The following RPH3A variants were observed in gnomAD, a reference collection of about 807,000 sequenced individuals.
The protein encoded by RPH3A is rabphilin 3A, also known as rabphilin-3A.
In RPH3A, 48 loss-of-function variants were observed where a neutral mutation model predicts 102.2. The observed-to-expected ratio is 0.47, with a 90% confidence interval of 0.37 to 0.60. RPH3A has a LOEUF of 0.60. Ranked by LOEUF, RPH3A falls within the 20% of genes least tolerant of loss-of-function variation. The pLI, the probability that RPH3A is intolerant of heterozygous loss-of-function variation, is 0.00. For synonymous variants in RPH3A, 310 were observed against 324.3 expected (o/e 0.96, Z 0.47); for missense variants, 781 against 910.1 (o/e 0.86, Z 1.83).
chr12:112,894,857 G>A (rs1593140378), intron 20 of RPH3A, among the ~76,000 whole-genome samples, 198 bp downstream of exon 20: 1 of 152,258 alleles, frequency 6.6e-6, no homozygotes, highest in South Asian at 2.1e-4. Flanking sequence ...AATGAAAAAG[G>A]AAGTGACAAT....
At chr12:112,644,016 C>T (rs1231928960) in intron 1 of RPH3A, among the ~76,000 whole-genome samples, 1 of 152,140 alleles carries the variant, frequency 6.6e-6, no homozygotes, top group Non-Finnish European at 1.5e-5. Context: ...GAACTGGAGG[C>T]CATTATCTTA....
chr12:112,656,608 T>G (rs2040013475), intron 1 of RPH3A, among the ~76,000 whole-genome samples: 1 of 152,210 alleles, frequency 6.6e-6, no homozygotes, highest in Admixed American at 6.5e-5. Flanking sequence ...GTGTCTATTA[T>G]TCCCCTCTAT....
At chr12:112,748,526 G>A (rs537432041) in intron 1 of RPH3A, among the ~76,000 whole-genome samples, 20 of 152,020 alleles carry the variant, frequency 1.3e-4, no homozygotes, top group Non-Finnish European at 2.6e-4. Flanking sequence ...TAGAGATGGG[G>A]GCCTTACTAT....
chr12:112,834,033 A>C (rs374240076), intron 3 of RPH3A, among the ~76,000 whole-genome samples: 6 of 152,348 alleles, frequency 3.9e-5, no homozygotes, highest in East Asian at 1.9e-4. Context: ...CCATAAAAAC[A>C]TGTGTATACC....
At chr12:112,713,020 T>TG (rs2040485170) in intron 1 of RPH3A, among the ~76,000 whole-genome samples, 3 of 78,542 alleles carry the variant, frequency 3.8e-5, no homozygotes, top group Middle Eastern at 5.5e-3. Context: ...CCTCTTCCTC[T>TG]TCCTCTTCTT....
upstream of RPH3A, among the ~76,000 whole-genome samples, chr12:112,787,778 G>A (rs74533665): frequency 0.046 from 7,046 of 152,220 alleles, 221 homozygotes; most frequent in Middle Eastern, 0.099. Context: ...AGATGATGCC[G>A]CTGCACATAT....
intron 1 of RPH3A, among the ~76,000 whole-genome samples, chr12:112,697,601 C>A (rs2040361450): frequency 6.6e-6 from 1 of 152,160 alleles, no homozygotes. Context: ...CATGGTGACT[C>A]ACGCCTGAAT....
At chr12:112,698,756 G>A (rs535280136) in intron 1 of RPH3A, among the ~76,000 whole-genome samples, 156 of 152,276 alleles carry the variant, frequency 1.0e-3, no homozygotes, top group Non-Finnish European at 1.9e-3. Flanking sequence ...ACTCTCATAC[G>A]TTACTGTTGG....
At chr12:112,845,461 C>G (rs895422137) in intron 4 of RPH3A, among the ~76,000 whole-genome samples, 6 of 152,162 alleles carry the variant, frequency 3.9e-5, no homozygotes, top group South Asian at 2.1e-4. Flanking sequence ...GATAACATGA[C>G]CATTGCTAGG....
rs182315323 is a variant in RPH3A, at chr12:112,774,773, G to T, written c.-139-17370G>T. 4.9e-4 allele frequency among the ~76,000 whole-genome samples: 75 copies of T among 152,004 alleles called. No homozygotes were observed. In the East Asian group the frequency reaches 6.6e-3, roughly 13 times the overall value. ...AGGGGAACAACACACACTGGAGCAG[G>T]TCGGGGGGTGAGGTAGGGGGCGGAG... On this transcript the variant is annotated intron_variant, in intron 1 of 21. Coordinates refer to the RPH3A transcript ENST00000543106.
intron 5 of RPH3A, among the ~76,000 whole-genome samples, chr12:112,856,838 C>G (rs1045497522): frequency 2.0e-5 from 3 of 152,112 alleles, no homozygotes; most frequent in African/African-American, 7.2e-5. Context: ...ATCTTTGCAA[C>G]AATCCTAGGA....
chr12:112,847,933 GCTGGGCTGCCT>G, intron 5 of RPH3A, 91 bp downstream of exon 5: 1 of 1,443,956 alleles, frequency 6.9e-7, no homozygotes, highest in Non-Finnish European at 9.4e-7. Context: ...AACGGGGTGT[GCTGGGCTGCCT>G]CTGGGCTTTG....
chr12:112,743,347 C>A (rs2136055917), intron 1 of RPH3A, among the ~76,000 whole-genome samples: 1 of 152,310 alleles, frequency 6.6e-6, no homozygotes, highest in Non-Finnish European at 1.5e-5. Context: ...GCTGCAGGAG[C>A]AACTCTAGAT....
intron 2 of RPH3A, among the ~76,000 whole-genome samples, chr12:112,818,503 A>G (rs558476227): frequency 1.3e-5 from 2 of 152,226 alleles, no homozygotes; most frequent in Non-Finnish European, 2.9e-5. Flanking sequence ...AAAGTGATCA[A>G]TAGCAGCTAT....
At chr12:112,763,148 T>C (rs531595861) in intron 1 of RPH3A, among the ~76,000 whole-genome samples, 1 of 152,254 alleles carries the variant, frequency 6.6e-6, no homozygotes, top group East Asian at 1.9e-4. Flanking sequence ...GAATTTTAAG[T>C]AACTCTCCCT....
intron 4 of RPH3A, among the ~76,000 whole-genome samples, chr12:112,838,892 C>A (rs1876385964): frequency 6.6e-6 from 1 of 152,068 alleles, no homozygotes; most frequent in Admixed American, 6.6e-5. Context: ...CGGGGTCCAC[C>A]AATGCTGGCC....
At chr12:112,713,085 CTTCTTCTT>C (rs2040490327) in intron 1 of RPH3A, among the ~76,000 whole-genome samples, 1 of 126,912 alleles carries the variant, frequency 7.9e-6, no homozygotes, top group Admixed American at 8.4e-5. Context: ...TCTTCTTCTT[CTTCTTCTT>C]CTTCTTCTTT....
At chr12:112,847,013 C>A (rs752746253) in intron 4 of RPH3A, among the ~76,000 whole-genome samples, 1 of 152,152 alleles carries the variant, frequency 6.6e-6, no homozygotes, top group Non-Finnish European at 1.5e-5. Flanking sequence ...ACAGCCCCTG[C>A]CTTGTAGGGG....
chr12:112,876,711 A>C lies in RPH3A; in HGVS notation c.1016A>C (p.Tyr339Ser), dbSNP rs765898338. ...GAGAGAACAGGGGGAGTCGGGGGCT[A>C]CCCAGCAGTTGGAGCCAGAGAGGAC... ...REERTGGVGG[Y>S]PAVGAREDRM... Residue 339 changes from tyrosine (Y) to serine (S), a missense_variant, in exon 13 of 22, where the codon TAC becomes TCC. Coordinates refer to ENST00000389385, the MANE Select transcript of RPH3A (RefSeq NM_001143854.2). 1.9e-6 allele frequency: 3 copies of C among 1,613,116 alleles called. No individual in the cohort carries two copies. Among genetic ancestry groups the C allele is most frequent in the Non-Finnish European group, 2.5e-6 (3 of 1,179,676 alleles).
Sources: allele counts gnomAD v4.1 joint callset (sites outside exome capture counted in the v4.1 genomes callset), GRCh38; gene constraint gnomAD v4.1.1; transcripts MANE v1.5; gene names NCBI Gene and HGNC (gene_info 2026-07-23, HGNC 2026-07-21).